RARB: variants seen among roughly 807,000 people sequenced by gnomAD.
RARB encodes HBV-activated protein.
A neutral mutation model predicts 51.9 loss-of-function variants in RARB; 17 were observed. The ratio of observed to expected loss-of-function variants is 0.33; its 90% confidence interval spans 0.22 to 0.49. The LOEUF is 0.49. Among genes scored for constraint, RARB ranks in the 20% least tolerant of loss-of-function variants. RARB has a pLI of 0.99. For missense variants in RARB, 369 were observed against 550.8 expected, an observed-to-expected ratio of 0.67 and a Z score of 3.30; for synonymous variants, 215 against 195.4, an observed-to-expected ratio of 1.10 and a Z score of -0.84.
chr3:25,256,789 A>T (rs1702875610), intron 5 of RARB, among the ~76,000 whole-genome samples: 1 of 151,650 alleles, frequency 6.6e-6, no homozygotes, highest in African/African-American at 2.4e-5. Flanking sequence ...ATAATGATGA[A>T]AGATGTTAAA....
At chr3:25,187,725 C>T (rs1044526538) in intron 5 of RARB, among the ~76,000 whole-genome samples, 2 of 152,054 alleles carry the variant, frequency 1.3e-5, no homozygotes, top group Non-Finnish European at 2.9e-5. Flanking sequence ...GAGAAATGAA[C>T]ACTCAGATAC....
At chr3:25,129,703 A>G (rs533155410) in intron 3 of RARB, among the ~76,000 whole-genome samples, 2 of 152,202 alleles carry the variant, frequency 1.3e-5, no homozygotes, top group East Asian at 3.9e-4. Flanking sequence ...CTAAAATACT[A>G]TGAATTTTAG....
intron 3 of RARB, among the ~76,000 whole-genome samples, chr3:25,107,775 AGTTTGAAGT>A (rs1473467594): frequency 5.9e-5 from 9 of 152,376 alleles, no homozygotes; most frequent in African/African-American, 2.2e-4. Flanking sequence ...TAACTTCTGC[AGTTTGAAGT>A]GCAACAGCAA....
chr3:25,594,607 G>A lies in RARB; in HGVS notation c.1079G>A (p.Arg360Gln), dbSNP rs758898036. ...EALKIYIRKR[R>Q]PSKPHMFPKI... is the part of the protein sequence containing the mutation. ...CTAAAAATTTATATCAGAAAAAGAC[G>A]ACCCAGCAAGCCTCACATGTTTCCA... Residue 360 changes from arginine (R) to glutamine (Q), a missense_variant, in exon 7 of 8, where the codon CGA (arginine) becomes CAA (glutamine). Physicochemically the swap from Arg to Gln is conservative, Grantham distance 43. Coordinates refer to ENST00000330688, the MANE Select transcript of RARB (RefSeq NM_000965.5). 3 of 1,613,612 alleles carry A rather than the reference G, an allele frequency of 1.9e-6. No homozygotes were observed. The highest frequency in any genetic ancestry group is 1.1e-5 in the South Asian group (1 of 91,038).
intron 5 of RARB, among the ~76,000 whole-genome samples, chr3:25,193,806 G>C (rs1025024585): frequency 1.3e-5 from 2 of 151,768 alleles, no homozygotes; most frequent in Non-Finnish European, 2.9e-5. Context: ...CTATATAAAC[G>C]TGCAATATTT....
intron 3 of RARB, among the ~76,000 whole-genome samples, chr3:25,072,393 T>C (rs1034715925): frequency 7.9e-5 from 12 of 152,106 alleles, no homozygotes; most frequent in Admixed American, 5.2e-4. Flanking sequence ...TGTAACCCCA[T>C]GGTGGAGCTG....
intron 2 of RARB, among the ~76,000 whole-genome samples, chr3:25,485,397 T>G (rs1696415607): frequency 1.3e-5 from 2 of 152,242 alleles, no homozygotes; most frequent in Non-Finnish European, 2.9e-5. Context: ...GAGTGTGCAC[T>G]GGTGCCAGCC....
intron 2 of RARB, among the ~76,000 whole-genome samples, chr3:25,005,464 G>A (rs1697249817): frequency 1.3e-5 from 2 of 152,168 alleles, no homozygotes; most frequent in African/African-American, 4.8e-5. Flanking sequence ...GTGCCAGCAA[G>A]TTAGTGCTGA....
intron 5 of RARB, among the ~76,000 whole-genome samples, chr3:25,363,155 G>A (rs1294902038): frequency 3.3e-5 from 5 of 152,120 alleles, no homozygotes; most frequent in African/African-American, 1.2e-4. Context: ...GAAAGTTGAT[G>A]AAAGAAGTAT....
At chr3:25,122,369 GT>G (rs1465873525) in intron 3 of RARB, among the ~76,000 whole-genome samples, 1 of 151,714 alleles carries the variant, frequency 6.6e-6, no homozygotes, top group African/African-American at 2.4e-5. Context: ...GACATACTAA[GT>G]TTTTTTGAAA....
At chr3:24,862,807 T>A (rs993536742) in intron 2 of RARB, among the ~76,000 whole-genome samples, 3 of 152,248 alleles carry the variant, frequency 2.0e-5, no homozygotes, top group African/African-American at 4.8e-5. Context: ...CTGTGGTACC[T>A]GCCCTTCGGC....
chr3:24,871,557 C>T (rs1306225876), intron 2 of RARB, among the ~76,000 whole-genome samples: 1 of 152,140 alleles, frequency 6.6e-6, no homozygotes, highest in East Asian at 1.9e-4. Context: ...TTGGACTTTA[C>T]TCATTTATCA....
chr3:25,336,179 C>T (rs1006264206), intron 5 of RARB, among the ~76,000 whole-genome samples: 1 of 151,884 alleles, frequency 6.6e-6, no homozygotes. Context: ...ATAAAGACAA[C>T]TGGAAGAATA....
At chr3:25,065,174 T>A (rs1436369308) in intron 3 of RARB, among the ~76,000 whole-genome samples, 5 of 152,116 alleles carry the variant, frequency 3.3e-5, no homozygotes, top group Non-Finnish European at 5.9e-5. Flanking sequence ...GTGAGATTTT[T>A]AAAAAATTGT....
At chr3:25,079,423 G>GT (rs1331842882) in intron 3 of RARB, among the ~76,000 whole-genome samples, 1 of 152,144 alleles carries the variant, frequency 6.6e-6, no homozygotes, top group African/African-American at 2.4e-5. Flanking sequence ...AGTGGTGAAA[G>GT]TGGATATTCA....
intron 3 of RARB, among the ~76,000 whole-genome samples, chr3:25,506,918 G>T (rs539098618): frequency 6.6e-6 from 1 of 152,196 alleles, no homozygotes; most frequent in Non-Finnish European, 1.5e-5. Context: ...CTTATGAGCC[G>T]TATGTCTCCA....
At chr3:25,013,522 A>T (rs780282252) in intron 2 of RARB, among the ~76,000 whole-genome samples, 6 of 152,042 alleles carry the variant, frequency 3.9e-5, no homozygotes, top group Non-Finnish European at 7.4e-5. Context: ...ACTGACCCTC[A>T]TGCTTGGTAC....
intron 3 of RARB, among the ~76,000 whole-genome samples, chr3:25,118,791 C>G (rs1699732354): frequency 6.6e-6 from 1 of 151,994 alleles, no homozygotes; most frequent in East Asian, 1.9e-4. Flanking sequence ...AGATCCTCCC[C>G]AGAAAGTCAT....
At chr3:25,087,191 G>A (rs1369009812) in intron 3 of RARB, among the ~76,000 whole-genome samples, 3 of 152,112 alleles carry the variant, frequency 2.0e-5, no homozygotes, top group African/African-American at 4.8e-5. Context: ...GAATTCCAAA[G>A]GGAGGAAGGT....
Sources: gnomAD v4.1 joint callset for allele counts (sites outside exome capture counted in the v4.1 genomes callset) on GRCh38, gnomAD v4.1.1 for gene constraint, MANE v1.5 for transcripts, NCBI Gene and HGNC (gene_info 2026-07-23, HGNC 2026-07-21) for gene names.